RORB: variants seen among roughly 807,000 people sequenced by gnomAD.
RORB encodes the protein RAR related orphan receptor B.
A neutral mutation model predicts 59.1 loss-of-function variants in RORB; 6 were observed. The observed-to-expected ratio is 0.10, with a 90% CI of 0.06 to 0.20. RORB has a LOEUF of 0.20. Among genes scored for constraint, RORB ranks in the 10% least tolerant of loss-of-function variants. The probability of loss-of-function intolerance (pLI) is 1.00; values close to 1 mark genes in which losing one functional copy is unlikely to be tolerated. For missense variants in RORB, 320 were observed against 560.5 expected (o/e 0.57, Z 4.33); for synonymous variants, 215 against 204.5 (o/e 1.05, Z -0.44).
rs149498801 is a variant in RORB at position 74,682,963 on chromosome 9, C to T, written c.1225-2500C>T. On this transcript the variant is annotated intron_variant, in intron 9 of 9. Coordinates refer to ENST00000376896, the MANE Select transcript of RORB (RefSeq NM_006914.4). ...CCTCTGAAGCAGTGTTTTTCAAAAT[C>T]GATCCCATGAACCCACTGCATCAGT... Among the ~76,000 whole-genome samples, 246 of 152,246 alleles carry T rather than the reference C, an allele frequency of 1.6e-3. 1 individual carries two copies. Among genetic ancestry groups the T allele is most frequent in the African/African-American group, 5.8e-3 (241 of 41,546 alleles).
chr9:74,541,780 C>T (rs1043239148), intron 1 of RORB, among the ~76,000 whole-genome samples: 1 of 152,110 alleles, frequency 6.6e-6, no homozygotes, highest in Non-Finnish European at 1.5e-5. Flanking sequence ...ATCTGCCAAC[C>T]CTCATGAGCT....
intron 1 of RORB, among the ~76,000 whole-genome samples, chr9:74,608,549 G>A (rs1453296797): frequency 2.3e-5 from 3 of 131,326 alleles, no homozygotes; most frequent in Non-Finnish European, 3.2e-5. Context: ...GGGCAACAGA[G>A]TGAGACTCCG....
chr9:74,598,882 G>T (rs538254959), intron 1 of RORB, among the ~76,000 whole-genome samples: 1 of 152,164 alleles, frequency 6.6e-6, no homozygotes, highest in Admixed American at 6.5e-5. Flanking sequence ...CATAACAGCA[G>T]AGAAGGTCAA....
intron 4 of RORB, among the ~76,000 whole-genome samples, chr9:74,656,463 T>A (rs762501194): frequency 6.6e-6 from 1 of 152,194 alleles, no homozygotes; most frequent in African/African-American, 2.4e-5. Flanking sequence ...AGGCCGGGCA[T>A]GGTGGCTCAC....
At chr9:74,524,174 C>T (rs1302088875) in intron 1 of RORB, among the ~76,000 whole-genome samples, 1 of 151,552 alleles carries the variant, frequency 6.6e-6, no homozygotes, top group Non-Finnish European at 1.5e-5. Flanking sequence ...ATGTGAGGTG[C>T]TAGGAGGTCA....
At chr9:74,514,944 C>T (rs1261690432) in intron 1 of RORB, among the ~76,000 whole-genome samples, 1 of 151,266 alleles carries the variant, frequency 6.6e-6, no homozygotes, top group Non-Finnish European at 1.5e-5. Context: ...AACTTCTGAA[C>T]CCCTTGAGGT....
intron 7 of RORB, among the ~76,000 whole-genome samples, chr9:74,667,208 G>A (rs1294078773): frequency 2.6e-5 from 4 of 152,218 alleles, no homozygotes; most frequent in Non-Finnish European, 4.4e-5. Context: ...TGACCTGTGA[G>A]TCATTCATTA....
intron 1 of RORB, among the ~76,000 whole-genome samples, chr9:74,560,055 G>C (rs975620436): frequency 3.3e-5 from 5 of 152,136 alleles, no homozygotes; most frequent in African/African-American, 7.2e-5. Flanking sequence ...CTAAAGCAAA[G>C]CTATTCAGAA....
chr9:74,622,743 T>A (rs1823444815), intron 1 of RORB, among the ~76,000 whole-genome samples: 1 of 151,950 alleles, frequency 6.6e-6, no homozygotes, highest in Non-Finnish European at 1.5e-5. Flanking sequence ...GCCAGGATGG[T>A]CTCGATCTCT....
chr9:74,632,453 T>C (rs1189690576), intron 2 of RORB, among the ~76,000 whole-genome samples: 1 of 152,188 alleles, frequency 6.6e-6, no homozygotes, highest in Non-Finnish European at 1.5e-5. Flanking sequence ...TATCAACCTC[T>C]GAGTTTTCAT....
chr9:74,522,684 A>T (rs1826098973), intron 1 of RORB, among the ~76,000 whole-genome samples: 1 of 151,802 alleles, frequency 6.6e-6, no homozygotes, highest in Non-Finnish European at 1.5e-5. Flanking sequence ...TCAGTTTTTT[A>T]AAAATGGCTA....
chr9:74,588,013 C>T (rs550475172), intron 1 of RORB, among the ~76,000 whole-genome samples: 3 of 152,248 alleles, frequency 2.0e-5, no homozygotes, highest in Admixed American at 1.3e-4. Flanking sequence ...GGTTATTGTT[C>T]CCCTTTCACA....
intron 1 of RORB, among the ~76,000 whole-genome samples, chr9:74,544,119 C>G (rs1826453253): frequency 6.6e-6 from 1 of 152,096 alleles, no homozygotes; most frequent in African/African-American, 2.4e-5. Flanking sequence ...CTTATTTTGT[C>G]TTCATTACTC....
At chr9:74,568,758 C>T (rs1354410255) in intron 1 of RORB, among the ~76,000 whole-genome samples, 1 of 148,980 alleles carries the variant, frequency 6.7e-6, no homozygotes, top group East Asian at 2.0e-4. Context: ...AAAAATATTA[C>T]AATAGTTTGA....
At chr9:74,647,469 A>C (rs553035478) in intron 4 of RORB, among the ~76,000 whole-genome samples, 5 of 152,346 alleles carry the variant, frequency 3.3e-5, no homozygotes, top group African/African-American at 1.2e-4. Context: ...TACAATGCTA[A>C]GGGTGTACAT....
Position 74,674,314 on chromosome 9 carries a change from C to A in RORB, c.1224+2413C>A, listed in dbSNP as rs115265299. 3.0e-3 allele frequency among the ~76,000 whole-genome samples: 455 copies of A among 152,270 alleles called. 1 individual carries two copies. Among genetic ancestry groups the A allele is most frequent in the African/African-American group, 0.01 (433 of 41,560 alleles). On this transcript the variant is annotated intron_variant, in intron 9 of 9. Coordinates refer to ENST00000376896, the MANE Select transcript of RORB (RefSeq NM_006914.4). ...ATTCTGAATATTTGTTATTCATAGA[C>A]CCCTTGGGGACTCCAGTGAATGTTG...
chr9:74,502,179 A>C (rs1429483639), intron 1 of RORB, among the ~76,000 whole-genome samples: 2 of 152,156 alleles, frequency 1.3e-5, no homozygotes, highest in African/African-American at 4.8e-5. Flanking sequence ...TGCATAGATT[A>C]TATTTTAAAT....
At chr9:74,545,204 C>T (rs1826468846) in intron 1 of RORB, among the ~76,000 whole-genome samples, 1 of 151,580 alleles carries the variant, frequency 6.6e-6, no homozygotes, top group South Asian at 2.1e-4. Flanking sequence ...GAGTTCATGG[C>T]TTAATTTACT....
chr9:74,614,546 T>G (rs1484926717), intron 1 of RORB, among the ~76,000 whole-genome samples: 1 of 152,084 alleles, frequency 6.6e-6, no homozygotes, highest in Admixed American at 6.6e-5. Context: ...ACAATACATG[T>G]GTCCTAGAAC....
Sources: allele counts gnomAD v4.1 joint callset (sites outside exome capture counted in the v4.1 genomes callset), GRCh38; gene constraint gnomAD v4.1.1; transcripts MANE v1.5; gene names NCBI Gene and HGNC (gene_info 2026-07-23, HGNC 2026-07-21).